TAMM41: variants seen among roughly 807,000 people sequenced by gnomAD.
TAMM41 encodes TAM41 mitochondrial translocator assembly and maintenance homolog.
In TAMM41, 36 loss-of-function variants were observed where a neutral mutation model predicts 44.1. The ratio of observed to expected loss-of-function variants is 0.82; its 90% CI spans 0.63 to 1.08. TAMM41 has a LOEUF of 1.08. Ranked by LOEUF, TAMM41 falls within the 50% of genes least tolerant of loss-of-function variation. The pLI is 0.00. For synonymous variants in TAMM41, 164 were observed against 153.1 expected, an observed-to-expected ratio of 1.07 and a Z score of -0.53; for missense variants, 417 against 404.3, an observed-to-expected ratio of 1.03 and a Z score of -0.27.
chr3:11,734,878 C>CAAAAAAAAAAAAAAAAAA, the TAMM41 span, among the ~76,000 whole-genome samples: 5 of 73,270 alleles, frequency 6.8e-5, no homozygotes, highest in African/African-American at 2.1e-4. Context: ...TACTAAAATA[C>CAAAAAAAAAAAAAAAAAA]AAAAAAAAAA....
At chr3:11,832,207 A>G (rs2079008360) in intron 3 of TAMM41, among the ~76,000 whole-genome samples, 1 of 152,088 alleles carries the variant, frequency 6.6e-6, no homozygotes, top group Admixed American at 6.6e-5. Flanking sequence ...TAAACCTTAT[A>G]GAGTTGGCTC....
chr3:11,831,965 A>C (rs909988051), intron 3 of TAMM41, among the ~76,000 whole-genome samples: 3 of 152,194 alleles, frequency 2.0e-5, no homozygotes, highest in African/African-American at 7.2e-5. Context: ...AATCATCTGC[A>C]GAGAGTAACC....
At chr3:11,832,403 G>A (rs2125039847) in intron 3 of TAMM41, among the ~76,000 whole-genome samples, 1 of 152,266 alleles carries the variant, frequency 6.6e-6, no homozygotes, top group East Asian at 1.9e-4. Context: ...GGTATTAACA[G>A]TCATCCAGAG....
chr3:11,732,989 G>GTTTTTTTTT, the TAMM41 span, among the ~76,000 whole-genome samples: 4 of 128,478 alleles, frequency 3.1e-5, 1 homozygote, highest in African/African-American at 5.9e-5. Context: ...TATGATTTGA[G>GTTTTTTTTT]TTTTTTTTTT....
chr3:11,771,059 C>T, the TAMM41 span, among the ~76,000 whole-genome samples: 2 of 152,166 alleles, frequency 1.3e-5, no homozygotes, highest in African/African-American at 4.8e-5. Flanking sequence ...GGACCCAGGT[C>T]CCTCCCTGCT....
At chr3:11,807,147 A>G (rs953652644) in intron 7 of TAMM41, 3 of 1,234,432 alleles carry the variant, frequency 2.4e-6, no homozygotes, top group Admixed American at 3.9e-5. Flanking sequence ...TAAATGGGGG[A>G]CCCCCTAGAG....
the TAMM41 span, among the ~76,000 whole-genome samples, chr3:11,767,319 T>C: frequency 6.6e-5 from 10 of 152,286 alleles, no homozygotes; most frequent in South Asian, 1.9e-3. Context: ...TCTGCCCGCC[T>C]CAGCCTCCCA....
the TAMM41 span, among the ~76,000 whole-genome samples, chr3:11,769,362 T>C: frequency 6.6e-6 from 1 of 151,298 alleles, no homozygotes; most frequent in African/African-American, 2.4e-5. Context: ...GAGATTTTTT[T>C]TTTTTTTTTT....
At chr3:11,723,101 C>T in the TAMM41 span, among the ~76,000 whole-genome samples, 19 of 148,226 alleles carry the variant, frequency 1.3e-4, no homozygotes, top group South Asian at 2.1e-4. Context: ...CCAGCCTAGG[C>T]GACAGAGCTG....
At chr3:11,777,494 A>T in the TAMM41 span, among the ~76,000 whole-genome samples, 1 of 152,214 alleles carries the variant, frequency 6.6e-6, no homozygotes, top group Admixed American at 6.5e-5. Context: ...TCAGCCATTT[A>T]AAGTGTACAG....
the TAMM41 span, among the ~76,000 whole-genome samples, chr3:11,725,371 C>T: frequency 2.3e-5 from 3 of 131,026 alleles, no homozygotes; most frequent in Admixed American, 2.4e-4. Context: ...TTCTTCTCCT[C>T]CTCCTCTTCC....
chr3:11,808,006 C>G, intron 6 of TAMM41, 111 bp from the exon 7 acceptor site: 1 of 1,439,398 alleles, frequency 6.9e-7, no homozygotes, highest in African/African-American at 1.4e-5. Context: ...CCAATCAAAC[C>G]ACCAAATCTA....
At chr3:11,838,344 T>A (rs144741696) in intron 3 of TAMM41, among the ~76,000 whole-genome samples, 113 of 152,288 alleles carry the variant, frequency 7.4e-4, no homozygotes, top group African/African-American at 2.7e-3. Flanking sequence ...CCTCCCCCAG[T>A]AGCTGGGATT....
Position 11,841,976 on chromosome 3 carries a change from C to A in TAMM41, c.318+2053G>T, listed in dbSNP as rs578080408. Among the ~76,000 whole-genome samples the A allele has an allele frequency of 2.0e-5, 3 of 152,316 alleles. No homozygotes were observed. In the South Asian group the frequency reaches 6.2e-4, roughly 32 times the overall value. On this transcript the variant is annotated intron_variant, in intron 2 of 7. Transcript: ENST00000455809. ...GGCCCAAGGGGTATGCAGACGTCAC[C>A]AGTCAATCACAACACTCACTCCTTA... is the stretch of plus-strand genomic sequence containing the variant.
downstream of TAMM41, chr3:11,790,355 T>C (rs2077450128): frequency 1.1e-5 from 8 of 739,486 alleles, no homozygotes; most frequent in Non-Finnish European, 1.9e-5. Flanking sequence ...ACTGGATAAA[T>C]GTCTGATGCA....
chr3:11,725,424 T>TTC, the TAMM41 span, among the ~76,000 whole-genome samples: 140 of 71,640 alleles, frequency 2.0e-3, 1 homozygote, highest in African/African-American at 8.5e-3. Flanking sequence ...CTTCTTCTTC[T>TTC]TTCCTCCTCC....
the TAMM41 span, among the ~76,000 whole-genome samples, chr3:11,771,694 T>C: frequency 8.5e-5 from 13 of 152,076 alleles, no homozygotes; most frequent in Middle Eastern, 6.3e-3. Flanking sequence ...GCGATTCTCC[T>C]GTCTCAGCCT....
At chr3:11,734,493 G>A in the TAMM41 span, among the ~76,000 whole-genome samples, 34 of 152,056 alleles carry the variant, frequency 2.2e-4, no homozygotes, top group Admixed American at 2.2e-3. Context: ...AGTCATATGG[G>A]CCCTTCACTG....
At chr3:11,794,712 CG>C (rs2124918563) in intron 7 of TAMM41, among the ~76,000 whole-genome samples, 1 of 152,252 alleles carries the variant, frequency 6.6e-6, no homozygotes, top group South Asian at 2.1e-4. Flanking sequence ...TTAATACACA[CG>C]TAAGACTATG....
Sources: gnomAD v4.1 joint callset for allele counts (sites outside exome capture counted in the v4.1 genomes callset) on GRCh38, gnomAD v4.1.1 for gene constraint, MANE v1.5 for transcripts, NCBI Gene and HGNC (gene_info 2026-07-23, HGNC 2026-07-21) for gene names.